SLC11A2: variants seen among roughly 807,000 people sequenced by gnomAD.
SLC11A2 encodes natural resistance-associated macrophage protein 2.
A neutral mutation model predicts 68.0 loss-of-function variants in SLC11A2; 38 were observed. The ratio of observed to expected loss-of-function variants is 0.56; its 90% confidence interval spans 0.43 to 0.73. The LOEUF (loss-of-function observed/expected upper bound fraction) is 0.73. SLC11A2 is among the 30% of genes least tolerant of loss of function. The pLI, the probability that SLC11A2 is intolerant of heterozygous loss-of-function variation, is 0.00. For synonymous variants in SLC11A2, 242 were observed against 250.6 expected (o/e 0.97, Z 0.32); for missense variants, 517 against 690.5 (o/e 0.75, Z 2.82).
At chr12:50,969,111 A>G in the SLC11A2 span, among the ~76,000 whole-genome samples, 1 of 151,354 alleles carries the variant, frequency 6.6e-6, no homozygotes, top group African/African-American at 2.4e-5. Flanking sequence ...CCTGGCCTAC[A>G]TGGTGAAACC....
chr12:51,010,243 C>A (rs557116644), intron 2 of SLC11A2, among the ~76,000 whole-genome samples: 4 of 151,370 alleles, frequency 2.6e-5, no homozygotes, highest in Non-Finnish European at 5.9e-5. Flanking sequence ...TCAGGATGGG[C>A]GCGGTAGCTC....
At chr12:50,989,175 G>T (rs1419444932) in intron 15 of SLC11A2, among the ~76,000 whole-genome samples, 1 of 152,086 alleles carries the variant, frequency 6.6e-6, no homozygotes, top group African/African-American at 2.4e-5. Flanking sequence ...ACCCACTCTA[G>T]AATCAGCCCT....
the SLC11A2 span, among the ~76,000 whole-genome samples, chr12:50,955,389 A>C: frequency 6.6e-6 from 1 of 151,994 alleles, no homozygotes; most frequent in African/African-American, 2.4e-5. Flanking sequence ...ACTTTAAAAA[A>C]CCCCACAAAA....
At chr12:50,981,590 C>T (rs1453130640), downstream of SLC11A2, 3 of 671,852 alleles carry the variant, frequency 4.5e-6, no homozygotes, top group Admixed American at 6.3e-5. Context: ...AACACCCTTC[C>T]CATGAGGAAA....
At chr12:50,952,924 G>A in the SLC11A2 span, among the ~76,000 whole-genome samples, 1 of 152,108 alleles carries the variant, frequency 6.6e-6, no homozygotes, top group African/African-American at 2.4e-5. Context: ...AGACTCAACA[G>A]TCACAGAGGG....
the SLC11A2 span, among the ~76,000 whole-genome samples, chr12:50,960,031 T>A: frequency 6.6e-6 from 1 of 152,238 alleles, no homozygotes; most frequent in Non-Finnish European, 1.5e-5. Flanking sequence ...ATCTTTCCTA[T>A]TTAGTTGATG....
the SLC11A2 span, among the ~76,000 whole-genome samples, chr12:50,961,789 C>A: frequency 1.3e-5 from 2 of 152,152 alleles, no homozygotes; most frequent in Non-Finnish European, 2.9e-5. Context: ...TCATGACGTG[C>A]AGAGTGGAGT....
At chr12:50,994,817 AC>A (rs11353962) in intron 10 of SLC11A2, 187 bp from the exon 11 acceptor site, 437,797 of 595,998 alleles carry the variant, frequency 0.73, 163,649 homozygotes, top group East Asian at 0.88. Context: ...ATCCTTCTAC[AC>A]CCACAGGTCA....
chr12:51,007,308 T>G (rs1161791252), intron 3 of SLC11A2, among the ~76,000 whole-genome samples: 1 of 152,148 alleles, frequency 6.6e-6, no homozygotes, highest in Non-Finnish European at 1.5e-5. Flanking sequence ...ATAAACCTCT[T>G]TAAACATTTT....
chr12:51,004,694 A>G lies in SLC11A2; in HGVS notation c.429+94T>C. 12 of 1,428,618 alleles carry G rather than the reference A, an allele frequency of 8.4e-6. No individual in the cohort carries two copies. The South Asian group carries it at 1.4e-4, about 17-fold the overall frequency. 88.5% of individuals were successfully genotyped at this position (1,428,618 alleles called of 1,614,324 possible). On this transcript the variant is annotated intron_variant, in intron 5 of 15. Transcript: ENST00000262052. Reference sequence around the variant, plus strand: ...AGGGCCACTGACCCCCAAGTCCTTGACTGTCTCACTATAGAATGAGGCCAG... The same window carrying G: ...AGGGCCACTGACCCCCAAGTCCTTGGCTGTCTCACTATAGAATGAGGCCAG...
chr12:50,971,991 C>T, the SLC11A2 span, among the ~76,000 whole-genome samples: 1 of 152,188 alleles, frequency 6.6e-6, no homozygotes, highest in Non-Finnish European at 1.5e-5. Flanking sequence ...CCAACAAGTA[C>T]ATATTTTGGT....
the SLC11A2 span, among the ~76,000 whole-genome samples, chr12:50,969,503 C>T: frequency 1.3e-4 from 19 of 151,944 alleles, no homozygotes; most frequent in Non-Finnish European, 2.4e-4. Context: ...AGTTCAAGAC[C>T]GGCCTGGCCA....
chr12:50,993,179 C>A, intron 11 of SLC11A2: 1 of 350,548 alleles, frequency 2.9e-6, no homozygotes, highest in Non-Finnish European at 5.0e-6. Context: ...CCTAAACCTC[C>A]ATCTTAAATA....
In SLC11A2 at chr12:51,005,289, A is replaced by G. The variant is rs1016882418; in HGVS notation, c.309+22T>C. ...GAGTGTATTATGTGCTTAAAAGGAC[A>G]GGGGTAGGACTAGATGTTCACCTTA... On this transcript the variant is annotated intron_variant, in intron 4 of 15. Transcript: ENST00000262052. The G allele has an allele frequency of 1.2e-5, 19 of 1,612,964 alleles. 1 individual carries two copies. In the Admixed American group the frequency reaches 1.7e-4, roughly 14 times the overall value.
At chr12:51,004,755 G>A in intron 5 of SLC11A2, 33 bp downstream of exon 5, 1 of 1,611,426 alleles carries the variant, frequency 6.2e-7, no homozygotes, top group Non-Finnish European at 8.5e-7. Context: ...CTATGGCATG[G>A]GTGAGAGACA....
At chr12:51,008,313 G>A in intron 3 of SLC11A2, 163 bp downstream of exon 3, 1 of 604,478 alleles carries the variant, frequency 1.7e-6, no homozygotes, top group Non-Finnish European at 3.0e-6. Context: ...GTGTGTGTGT[G>A]TGTGTGTGTG....
chr12:50,963,186 A>G, the SLC11A2 span, among the ~76,000 whole-genome samples: 33 of 151,920 alleles, frequency 2.2e-4, no homozygotes, highest in Non-Finnish European at 4.3e-4. Flanking sequence ...CCTGGTCAAC[A>G]TGGTGAAACC....
At position 50,996,947 on chromosome 12, in the gene SLC11A2, C is replaced by G. The variant is rs778759797; in HGVS notation, c.701G>C (p.Ser234Thr). 6.2e-7 allele frequency: 1 copy of G among 1,614,106 alleles called. No homozygotes were observed. Among genetic ancestry groups the G allele is most frequent in the African/African-American group, 1.3e-5 (1 of 74,996 alleles). Residue 234 changes from serine to threonine, a missense_variant, in exon 9 of 16, where the codon AGC becomes ACC. Ser to Thr is a moderately conservative substitution (Grantham distance 58). Coordinates refer to ENST00000262052, the MANE Select transcript of SLC11A2 (RefSeq NM_000617.3). ...YEYVTVKPSQ[S>T]QVLKGMFVPS... ...TACGAACATGCCCTTGAGTACCTGG[C>G]TCTGGCTGGGTTTCACTGTAACATA...
intron 10 of SLC11A2, chr12:50,994,958 C>T: frequency 1.2e-5 from 4 of 342,898 alleles, no homozygotes; most frequent in Non-Finnish European, 2.2e-5. Flanking sequence ...ATAGAATCCT[C>T]AGTCAAAGCA....
Sources: gnomAD v4.1 joint callset for allele counts (sites outside exome capture counted in the v4.1 genomes callset) on GRCh38, gnomAD v4.1.1 for gene constraint, MANE v1.5 for transcripts, NCBI Gene and HGNC (gene_info 2026-07-23, HGNC 2026-07-21) for gene names.